The following PCDHGB3 variants were observed in gnomAD, a reference collection of about 807,000 sequenced individuals.
PCDHGB3 encodes the protein protocadherin gamma subfamily B, 3, also known as protocadherin gamma-B3.
Under a neutral mutation model 59.2 loss-of-function variants are expected in PCDHGB3, and 40 were observed. The observed-to-expected ratio is 0.68, with a 90% CI of 0.52 to 0.88. The LOEUF is 0.88. Ranked by LOEUF, PCDHGB3 falls within the 40% of genes least tolerant of loss-of-function variation. The pLI, the probability that PCDHGB3 is intolerant of heterozygous loss-of-function variation, is 0.00. For missense variants in PCDHGB3, 1,309 were observed against 1,187.9 expected, an observed-to-expected ratio of 1.10 and a Z score of -1.50; for synonymous variants, 581 against 503.6, an observed-to-expected ratio of 1.15 and a Z score of -2.06.
intron 1 of PCDHGB3, chr5:141,471,166 C>T (rs1427053969): frequency 2.0e-5 from 3 of 150,492 alleles, no homozygotes; most frequent in Non-Finnish European, 2.9e-5. Context: ...TCTCCTGGCT[C>T]AGCCTCCCTA....
chr5:141,385,200 C>G (rs776177043), intron 1 of PCDHGB3: 4 of 1,614,214 alleles, frequency 2.5e-6, no homozygotes, highest in Middle Eastern at 3.3e-4. Flanking sequence ...GGAAGAGTCA[C>G]CTGATCTTCC....
At chr5:141,433,347 C>T (rs1207853986) in intron 1 of PCDHGB3, 3 of 626,596 alleles carry the variant, frequency 4.8e-6, no homozygotes, top group Non-Finnish European at 8.3e-6. Context: ...GTGCAAGCCA[C>T]CTACTGTCTG....
chr5:141,372,406 T>C lies in PCDHGB3; in HGVS notation c.2012T>C (p.Ile671Thr). The C allele has an allele frequency of 4.3e-6, 7 of 1,614,058 alleles. No homozygotes were observed. The highest frequency in any genetic ancestry group is 5.9e-6 in the Non-Finnish European group (7 of 1,179,896). ...ATCTTCGCAGATAGCTTGCAAGAGA[T>C]ACAACCTGACCTTAGCGACCGCCCC... The part of the protein sequence containing the change: ...HLIFADSLQE[I>T]QPDLSDRPTP... The change falls in exon 1 of 4, where the codon ATA becomes ACA. Residue 671 changes from isoleucine to threonine, a missense_variant. Physicochemically the swap from Ile to Thr is moderately conservative, Grantham distance 89. Coordinates refer to ENST00000576222, the MANE Select transcript of PCDHGB3 (RefSeq NM_018924.5).
In PCDHGB3 at chr5:141,486,499, C is replaced by G. The variant is rs1487201957; in HGVS notation, c.2416-8308C>G. 2 of 1,614,010 alleles carry G rather than the reference C, an allele frequency of 1.2e-6. No homozygotes were observed. Among genetic ancestry groups the G allele is most frequent in the Non-Finnish European group, 1.7e-6 (2 of 1,179,874 alleles). On this transcript the variant is annotated intron_variant, in intron 1 of 3. Coordinates refer to ENST00000576222, the MANE Select transcript of PCDHGB3 (RefSeq NM_018924.5). This position sits in a 1 kb window ranked among gnomAD's most constrained non-coding sequence, Gnocchi z 5.0. ...CTCTCAGTACCCACAGAACTATTTT[C>G]CTCAATATTTCAGATGTGAATGATA...
chr5:141,390,730 A>G (rs964390196), intron 1 of PCDHGB3: 1 of 195,852 alleles, frequency 5.1e-6, no homozygotes, highest in African/African-American at 2.4e-5. Flanking sequence ...TTTAACTGGT[A>G]TGGTCTCCAT....
intron 1 of PCDHGB3, chr5:141,423,189 T>A (rs2096719374): frequency 1.2e-6 from 2 of 1,613,562 alleles, no homozygotes; most frequent in Non-Finnish European, 8.5e-7. Flanking sequence ...GCCAGCCCCC[T>A]CTCTCGGCCA....
At chr5:141,481,024 C>CTGGA (rs1200299352) in intron 1 of PCDHGB3, among the ~76,000 whole-genome samples, 3 of 152,122 alleles carry the variant, frequency 2.0e-5, no homozygotes, top group Admixed American at 1.3e-4. Flanking sequence ...CACCACTGCA[C>CTGGA]TCCAGCCTGG....
At position 141,392,919 on chromosome 5, in the gene PCDHGB3, C is replaced by T. The variant is rs1220575114; in HGVS notation, c.2415+20110C>T. On this transcript the variant is annotated intron_variant, in intron 1 of 3. Coordinates refer to ENST00000576222, the MANE Select transcript of PCDHGB3 (RefSeq NM_018924.5). The stretch of plus-strand genomic sequence containing the variant: ...GAGGGGACAGATTCGCTACTCTGTG[C>T]CAGAAGAGACGGACAAAGGCTCCTT... 5.0e-6 allele frequency: 8 copies of T among 1,613,762 alleles called. No individual in the cohort carries two copies. The African/African-American group carries it at 1.1e-4, about 22-fold the overall frequency.
Position 141,376,812 on chromosome 5 carries a change from T to G in PCDHGB3, c.2415+4003T>G, listed in dbSNP as rs62378423. ...CGCCATTCTCCTGCCTCAGCCTCCC[T>G]AGTAGCTGGGACTACAGGCGCCCGC... On this transcript the variant is annotated intron_variant, in intron 1 of 3. Coordinates refer to ENST00000576222, the MANE Select transcript of PCDHGB3 (RefSeq NM_018924.5). 3.9e-4 allele frequency: 120 copies of G among 303,828 alleles called. 2 individuals carry two copies. In the South Asian group the frequency reaches 4.4e-3, roughly 11 times the overall value. The allele number at this position is 303,828 out of a possible 1,614,324, so 18.8% of individuals were successfully genotyped here.
chr5:141,375,199 C>G lies in PCDHGB3; in HGVS notation c.2415+2390C>G, dbSNP rs188091361. ...CAGTAATCGCCCTTTTTCAAGTGTT[C>G]GATCGAGACTCTGGCCTGAATGGCC... On this transcript the variant is annotated intron_variant, in intron 1 of 3. Coordinates refer to ENST00000576222, the MANE Select transcript of PCDHGB3 (RefSeq NM_018924.5). The G allele has an allele frequency of 5.2e-5, 84 of 1,613,924 alleles. No individual in the cohort carries two copies. In the East Asian group the frequency reaches 1.8e-3, roughly 35 times the overall value.
intron 1 of PCDHGB3, chr5:141,422,879 T>A: frequency 6.2e-7 from 1 of 1,614,240 alleles, no homozygotes; most frequent in Non-Finnish European, 8.5e-7. Context: ...TCGCTGAGCC[T>A]GTTCGTGCTG....
intron 1 of PCDHGB3, chr5:141,415,493 T>C (rs1312874620): frequency 6.2e-7 from 1 of 1,614,108 alleles, no homozygotes; most frequent in Non-Finnish European, 8.5e-7. Context: ...AGTCACCTGA[T>C]CTTCCCCCAG....
Position 141,510,968 on chromosome 5 carries a change from C to A in PCDHGB3, c.2585C>A (p.Thr862Asn). 1 of 1,614,150 alleles carries A rather than the reference C, an allele frequency of 6.2e-7. No individual in the cohort carries two copies. The highest frequency in any genetic ancestry group is 8.5e-7 in the Non-Finnish European group (1 of 1,180,014). The change falls in exon 4 of 4, where the codon ACC becomes AAC. Residue 862 changes from threonine (T) to asparagine (N), a missense_variant. Transcript: ENST00000576222. ...SASEAADGSS[T>N]LGGGAGTMGL... ...GCAGAAGCTGCTGATGGGAGCTCCA[C>A]CCTGGGAGGGGGTGCCGGCACCATG...
chr5:141,511,082 C>T lies in PCDHGB3; in HGVS notation c.2699C>T (p.Thr900Ile). Residue 900 changes from threonine to isoleucine, a missense_variant, in exon 4 of 4, where the codon ACA (threonine) becomes ATA (isoleucine). By Grantham distance (89) the Thr-to-Ile change is moderately conservative. Transcript: ENST00000576222. ...QNVYIPGSNA[T>I]LTNAAGKRDG... ...GTCTACATCCCAGGCAGCAATGCCA[C>T]ACTGACCAACGCAGCTGGCAAGCGG... 1 of 1,614,224 alleles carries T rather than the reference C, an allele frequency of 6.2e-7. No individual in the cohort carries two copies. Among genetic ancestry groups the T allele is most frequent in the Non-Finnish European group, 8.5e-7 (1 of 1,180,028 alleles).
In PCDHGB3 at chr5:141,427,684, C is replaced by T. The variant is rs765112627; in HGVS notation, c.2415+54875C>T. 3.6e-6 allele frequency: 3 copies of T among 841,720 alleles called. No individual in the cohort carries two copies. In the Admixed American group the frequency reaches 5.8e-5, roughly 16 times the overall value. 52.1% of individuals were successfully genotyped at this position (841,720 alleles called of 1,614,324 possible). A position where few individuals can be genotyped will look rare whatever the true frequency, so the allele number is the denominator to read the frequency against. On this transcript the variant is annotated intron_variant, in intron 1 of 3. Transcript: ENST00000576222. The stretch of plus-strand genomic sequence containing the variant: ...GTGGCCGAAAACAACCTTCCCGGAG[C>T]CTCCATCCCACAAGTCAGCGCCTCT...
intron 1 of PCDHGB3, chr5:141,384,682 G>C (rs1780361260): frequency 6.2e-7 from 1 of 1,614,222 alleles, no homozygotes; most frequent in Non-Finnish European, 8.5e-7. Context: ...GGTGGCGGTG[G>C]ACAAAGATTC....
At chr5:141,470,851 A>G (rs1410012138) in intron 1 of PCDHGB3, among the ~76,000 whole-genome samples, 2 of 151,876 alleles carry the variant, frequency 1.3e-5, no homozygotes, top group Non-Finnish European at 2.9e-5. Context: ...CCATGCTCAG[A>G]TAAGTTTTTT....
At chr5:141,483,584 T>C (rs2099583159) in intron 1 of PCDHGB3, among the ~76,000 whole-genome samples, 1 of 152,064 alleles carries the variant, frequency 6.6e-6, no homozygotes, top group African/African-American at 2.4e-5. Context: ...CATAAACACC[T>C]AATAGGTCAG....
At chr5:141,415,394 C>A (rs893251079) in intron 1 of PCDHGB3, 29 of 1,614,110 alleles carry the variant, frequency 1.8e-5, no homozygotes, top group Non-Finnish European at 2.3e-5. Context: ...ACAGGTGTGT[C>A]CGGCTCGCAC....
Sources: allele counts gnomAD v4.1 joint callset (sites outside exome capture counted in the v4.1 genomes callset), GRCh38; gene constraint gnomAD v4.1.1; non-coding constraint Gnocchi (gnomAD v3.1); transcripts MANE v1.5; gene names NCBI Gene and HGNC (gene_info 2026-07-23, HGNC 2026-07-21).